Variants in CTBP2 observed in about 807,000 individuals in gnomAD.
CTBP2 encodes the protein C-terminal binding protein 2.
In CTBP2, 30 loss-of-function variants were observed where a neutral mutation model predicts 80.3. The ratio of observed to expected loss-of-function variants is 0.37; its 90% confidence interval spans 0.28 to 0.51. The LOEUF (loss-of-function observed/expected upper bound fraction) is 0.51, where lower values mean the gene tolerates loss of function less well. Among genes scored for constraint, CTBP2 ranks in the 20% least tolerant of loss-of-function variants. The pLI is 0.93. For missense variants in CTBP2, 1,212 were observed against 1,375.3 expected (o/e 0.88, Z 1.88); for synonymous variants, 594 against 587.4 (o/e 1.01, Z -0.16).
At chr10:125,141,137 T>C (rs1441875522) in intron 1 of CTBP2, among the ~76,000 whole-genome samples, 5 of 145,394 alleles carry the variant, frequency 3.4e-5, no homozygotes, top group Admixed American at 6.9e-5. Flanking sequence ...AGTGAGACTC[T>C]GTCAAAAAAA....
At chr10:125,016,016 T>G (rs1324943983) in intron 1 of CTBP2, among the ~76,000 whole-genome samples, 1 of 141,128 alleles carries the variant, frequency 7.1e-6, no homozygotes. Flanking sequence ...ACGCCTACTG[T>G]GCGCTGGGTA....
chr10:125,089,499 C>T (rs1260691330), intron 2 of CTBP2, among the ~76,000 whole-genome samples: 1 of 152,152 alleles, frequency 6.6e-6, no homozygotes, highest in Non-Finnish European at 1.5e-5. Context: ...AACCTAGAGC[C>T]TCCAAGAACA....
At chr10:125,110,486 G>A (rs1003826189) in intron 2 of CTBP2, among the ~76,000 whole-genome samples, 2 of 152,090 alleles carry the variant, frequency 1.3e-5, no homozygotes, top group Non-Finnish European at 2.9e-5. Context: ...GAAAAATCAT[G>A]GTATGTTCAA....
intron 1 of CTBP2, among the ~76,000 whole-genome samples, chr10:125,018,743 C>T (rs1956765704): frequency 6.6e-6 from 1 of 152,228 alleles, no homozygotes; most frequent in Non-Finnish European, 1.5e-5. Flanking sequence ...CCTGCGGAGG[C>T]ACCGTGTTCA....
At chr10:125,005,718 C>T (rs1236115220) in intron 1 of CTBP2, 1 of 1,612,812 alleles carries the variant, frequency 6.2e-7, no homozygotes, top group Non-Finnish European at 8.5e-7. Context: ...TGCCAAATTC[C>T]ACAAGATTCC....
intron 1 of CTBP2, among the ~76,000 whole-genome samples, chr10:125,117,963 C>A (rs544993463): frequency 5.9e-5 from 9 of 152,308 alleles, no homozygotes; most frequent in African/African-American, 2.2e-4. Context: ...CATACACAGT[C>A]TTTGTCAGAG....
intron 3 of CTBP2, chr10:124,998,440 T>C (rs931596571): frequency 4.1e-6 from 2 of 490,268 alleles, no homozygotes; most frequent in Non-Finnish European, 7.5e-6. Context: ...CTATGGCTGA[T>C]TTTGGGCCTG....
chr10:125,071,330 A>G (rs1845455091), intron 2 of CTBP2, among the ~76,000 whole-genome samples: 1 of 152,264 alleles, frequency 6.6e-6, no homozygotes, highest in Admixed American at 6.5e-5. Flanking sequence ...GGATTCAGGG[A>G]TGATGGAAAA....
At chr10:125,063,239 A>G (rs541081357) in intron 2 of CTBP2, among the ~76,000 whole-genome samples, 22 of 151,490 alleles carry the variant, frequency 1.5e-4, no homozygotes, top group African/African-American at 4.8e-4. Flanking sequence ...TACTCTGCGC[A>G]CATCTTCATC....
At chr10:125,006,084 G>A (rs1356383229) in intron 1 of CTBP2, 11 of 1,159,166 alleles carry the variant, frequency 9.5e-6, no homozygotes, top group East Asian at 7.5e-5. Flanking sequence ...GTTGCCTAGC[G>A]ATCGGCTCCC....
intron 1 of CTBP2, among the ~76,000 whole-genome samples, chr10:125,143,709 G>A (rs1403969644): frequency 2.0e-5 from 3 of 152,114 alleles, no homozygotes; most frequent in East Asian, 1.9e-4. Context: ...GAATATCTCC[G>A]TTCATGCATT....
In CTBP2 at chr10:124,987,815, C is replaced by T. The variant is rs1652660602; in HGVS notation, c.*1703G>A. The stretch of plus-strand genomic sequence containing the variant: ...GGAAGAGCTCAGAGGGAGTTTCATA[C>T]CTGGAATTGTTGGACTTAATTGACA... On this transcript the variant is annotated 3_prime_UTR_variant, in exon 9 of 9. Transcript: ENST00000309035. The T allele has an allele frequency of 6.6e-6, 1 of 152,114 alleles. No individual in the cohort carries two copies. Among genetic ancestry groups the T allele is most frequent in the Non-Finnish European group, 1.5e-5 (1 of 68,012 alleles). The allele number at this position is 152,114 out of a possible 1,614,324, so 9.4% of individuals were successfully genotyped here. A position where few individuals can be genotyped will look rare whatever the true frequency, so the allele number is the denominator to read the frequency against.
rs1861308228 is a variant in CTBP2 at position 125,158,354 on chromosome 10, T to C, written c.-206+1965A>G. Among the ~76,000 whole-genome samples the C allele has an allele frequency of 2.6e-5, 4 of 152,290 alleles. No homozygotes were observed. In the South Asian group the frequency reaches 8.3e-4, roughly 32 times the overall value. ...TGAAAGGGTGGTATGAGTCGATATA[T>C]TTCGCCCAAGTTAGAAAGGCAGAAA... On this transcript the variant is annotated intron_variant, in intron 1 of 10. Transcript: ENST00000337195.
Position 124,985,190 on chromosome 10 carries a change from G to T in CTBP2, c.*4328C>A. 1 of 489,518 alleles carries T rather than the reference G, an allele frequency of 2.0e-6. No homozygotes were observed. The highest frequency in any genetic ancestry group is 3.6e-6 in the Non-Finnish European group (1 of 278,748). The allele number at this position is 489,518 out of a possible 1,614,324, so 30.3% of individuals were successfully genotyped here. Reference sequence around the variant, plus strand: ...GTGAGGAGACAGAGAACTTTAGTTGGACTACAGTTTGTAAAAAAAACTAAT... The same window carrying T: ...GTGAGGAGACAGAGAACTTTAGTTGTACTACAGTTTGTAAAAAAAACTAAT... On this transcript the variant is annotated 3_prime_UTR_variant, in exon 9 of 9. Transcript: ENST00000309035.
chr10:124,989,787 A>T, intron 8 of CTBP2, 89 bp from the exon 11 acceptor site: 1 of 1,277,632 alleles, frequency 7.8e-7, no homozygotes, highest in Non-Finnish European at 1.1e-6. Context: ...TTCATAAGAG[A>T]CAGGAGCCCA....
At position 125,076,466 on chromosome 10, in the gene CTBP2, G is replaced by T. The variant is rs116787550; in HGVS notation, c.-102+34524C>A. Among the ~76,000 whole-genome samples the T allele has an allele frequency of 4.4e-3, 675 of 152,228 alleles. 7 individuals are homozygous for T. Among genetic ancestry groups the T allele is most frequent in the African/African-American group, 0.015 (637 of 41,520 alleles). On this transcript the variant is annotated intron_variant, in intron 2 of 10. Coordinates refer to the CTBP2 transcript ENST00000337195. ...CTCCTCTAGGTTCAGTTCTGTCCAGGAACACTGTCACCACTCAGCTCTTTC... is the reference window on the plus strand; with the variant it reads ...CTCCTCTAGGTTCAGTTCTGTCCAGTAACACTGTCACCACTCAGCTCTTTC...
intron 3 of CTBP2, among the ~76,000 whole-genome samples, chr10:125,035,928 G>A (rs1198827293): frequency 2.6e-5 from 4 of 152,028 alleles, no homozygotes; most frequent in Admixed American, 1.3e-4. Flanking sequence ...ATTCTTACAT[G>A]GTATTATAGG....
intron 1 of CTBP2, among the ~76,000 whole-genome samples, chr10:125,125,517 T>C (rs17711828): frequency 0.071 from 10,803 of 152,170 alleles, 552 homozygotes; most frequent in Middle Eastern, 0.13. Flanking sequence ...AAAGCAAACA[T>C]CCCCGCTGGA....
chr10:125,068,316 T>C (rs1844955584), intron 2 of CTBP2, among the ~76,000 whole-genome samples: 1 of 152,218 alleles, frequency 6.6e-6, no homozygotes, highest in Non-Finnish European at 1.5e-5. Flanking sequence ...TGAAACTTCA[T>C]CTACATTAAA....
Sources: allele counts gnomAD v4.1 joint callset (sites outside exome capture counted in the v4.1 genomes callset), GRCh38; gene constraint gnomAD v4.1.1; transcripts MANE v1.5; gene names NCBI Gene and HGNC (gene_info 2026-07-23, HGNC 2026-07-21).